The following MSH4 variants were observed in gnomAD, a reference collection of about 807,000 sequenced individuals.
MSH4 encodes mutS homolog 4.
In MSH4, 106 loss-of-function variants were observed where a neutral mutation model predicts 113.7. That is an observed-to-expected ratio of 0.93 (90% CI 0.80 to 1.10). The LOEUF (loss-of-function observed/expected upper bound fraction) is 1.10. Ranked by LOEUF, MSH4 falls within the 50% of genes least tolerant of loss-of-function variation. MSH4 has a pLI of 0.00. For synonymous variants in MSH4, 368 were observed against 380.2 expected (o/e 0.97, Z 0.37); for missense variants, 1,061 against 1,093.7 (o/e 0.97, Z 0.42).
intron 17 of MSH4, 65 bp from the exon 18 acceptor site, chr1:75,897,842 G>A: frequency 9.3e-7 from 1 of 1,081,040 alleles, no homozygotes; most frequent in African/African-American, 1.6e-5. Flanking sequence ...TGTTCACATA[G>A]TTAAAATAGA....
At chr1:75,867,464 C>T (rs1430184994) in intron 8 of MSH4, 50 bp from the exon 9 acceptor site, 4 of 969,938 alleles carry the variant, frequency 4.1e-6, no homozygotes, top group Non-Finnish European at 6.5e-6. Context: ...ACCCATTGTT[C>T]TATTAAATAT....
rs1386123539 is a variant in MSH4, at chr1:75,803,916, A to G, written c.427+3A>G. Reference sequence around the variant, plus strand: ...GACACCACAAGTGGGATATTCAGGTAAAATAAGTGGAAGATTAACCTAGAT... The same window carrying G: ...GACACCACAAGTGGGATATTCAGGTGAAATAAGTGGAAGATTAACCTAGAT... On this transcript the variant is annotated splice_donor_region_variant and intron_variant, in intron 2 of 19. Coordinates refer to ENST00000263187, the MANE Select transcript of MSH4 (RefSeq NM_002440.4). The G allele has an allele frequency of 4.1e-6, 6 of 1,470,708 alleles. No homozygotes were observed. The highest frequency in any genetic ancestry group is 3.6e-6 in the Non-Finnish European group (4 of 1,108,834). 91.1% of individuals were successfully genotyped at this position (1,470,708 alleles called of 1,614,324 possible).
intron 7 of MSH4, among the ~76,000 whole-genome samples, chr1:75,838,555 A>C (rs1467685566): frequency 2.6e-5 from 4 of 152,108 alleles, no homozygotes; most frequent in African/African-American, 7.2e-5. Context: ...AAAATCCTTC[A>C]ATCTTTTCTC....
chr1:75,822,288 CA>C (rs33965683), intron 6 of MSH4, 120 bp from the exon 7 acceptor site: 43,341 of 382,296 alleles, frequency 0.11, 6 homozygotes, highest in East Asian at 0.22. Flanking sequence ...GACTCTGTTT[CA>C]AAAAAAAAAA....
At chr1:75,812,909 T>C (rs75605095) in intron 4 of MSH4, among the ~76,000 whole-genome samples, 13,537 of 152,144 alleles carry the variant, frequency 0.089, 800 homozygotes, top group Non-Finnish European at 0.13. Flanking sequence ...TTAGAAACAA[T>C]GTTAGTGTTT....
intron 16 of MSH4, among the ~76,000 whole-genome samples, chr1:75,889,998 C>T (rs948656607): frequency 6.6e-6 from 1 of 151,894 alleles, no homozygotes; most frequent in Non-Finnish European, 1.5e-5. Context: ...TATAATAGAT[C>T]GTAGCAATAT....
chr1:75,834,944 AAAT>A (rs1215945941), intron 7 of MSH4, among the ~76,000 whole-genome samples: 1 of 152,218 alleles, frequency 6.6e-6, no homozygotes, highest in Non-Finnish European at 1.5e-5. Context: ...ATGAAGTGAA[AAAT>A]AAAAAGGAAA....
At position 75,796,957 on chromosome 1, in the gene MSH4, A is replaced by G. The variant is rs752276320; in HGVS notation, c.-29A>G. On this transcript the variant is annotated 5_prime_UTR_variant, in exon 1 of 20. It adds an upstream start codon to the 5' untranslated region. Transcript: ENST00000263187. ...TGGAGGGGTCGCTCAGAAACCTCATACTTCTCGGGTCAGGGAAGGTTTGGG... is the reference window on the plus strand; with the variant it reads ...TGGAGGGGTCGCTCAGAAACCTCATGCTTCTCGGGTCAGGGAAGGTTTGGG... 6.2e-7 allele frequency: 1 copy of G among 1,612,414 alleles called. No homozygotes were observed. Among genetic ancestry groups the G allele is most frequent in the South Asian group, 1.1e-5 (1 of 91,010 alleles).
chr1:75,877,535 G>T (rs924905340), intron 10 of MSH4, among the ~76,000 whole-genome samples: 1 of 152,068 alleles, frequency 6.6e-6, no homozygotes, highest in Non-Finnish European at 1.5e-5. Flanking sequence ...CCCGTGTGAG[G>T]CCACACATTG....
At chr1:75,837,891 A>G (rs1333248638) in intron 7 of MSH4, among the ~76,000 whole-genome samples, 1 of 152,088 alleles carries the variant, frequency 6.6e-6, no homozygotes, top group Non-Finnish European at 1.5e-5. Flanking sequence ...CCAGCCCAGG[A>G]TACCTTAATT....
chr1:75,826,896 A>G (rs1191534068), intron 7 of MSH4, among the ~76,000 whole-genome samples: 1 of 152,194 alleles, frequency 6.6e-6, no homozygotes, highest in Non-Finnish European at 1.5e-5. Flanking sequence ...CGATTTTAGA[A>G]TAAGTGCTAT....
At chr1:75,898,289 G>A (rs899202058) in intron 18 of MSH4, among the ~76,000 whole-genome samples, 1 of 151,782 alleles carries the variant, frequency 6.6e-6, no homozygotes, top group Non-Finnish European at 1.5e-5. Flanking sequence ...ATTTTTATAA[G>A]CCAGTAACTA....
intron 8 of MSH4, among the ~76,000 whole-genome samples, chr1:75,858,691 C>T (rs1157328814): frequency 2.6e-5 from 4 of 152,178 alleles, no homozygotes; most frequent in Non-Finnish European, 5.9e-5. Context: ...CGGATTCTCA[C>T]ATTGATGTTC....
intron 8 of MSH4, among the ~76,000 whole-genome samples, chr1:75,857,482 G>T (rs1182249867): frequency 6.6e-6 from 1 of 152,094 alleles, no homozygotes; most frequent in Non-Finnish European, 1.5e-5. Flanking sequence ...TAACGAAGGG[G>T]TCTAGTTTCA....
chr1:75,907,737 CT>C lies in MSH4; in HGVS notation c.2620-4958del, dbSNP rs1405475785. ...ATATATATGTATAAAATCTTTCAGG[CT>C]GTCTTTATTCCTTTCATTCTGTTTT... On this transcript the variant is annotated intron_variant, in intron 19 of 19. Coordinates refer to ENST00000263187, the MANE Select transcript of MSH4 (RefSeq NM_002440.4). Among the ~76,000 whole-genome samples the C allele has an allele frequency of 2.5e-4, 26 of 105,316 alleles. No individual in the cohort carries two copies. In the East Asian group the frequency reaches 5.2e-3, roughly 21 times the overall value. The allele number at this position is 105,316 out of a possible 152,430, so 69.1% of individuals were successfully genotyped here.
At chr1:75,901,448 A>G (rs1192505041) in intron 19 of MSH4, among the ~76,000 whole-genome samples, 2 of 152,114 alleles carry the variant, frequency 1.3e-5, no homozygotes, top group Non-Finnish European at 2.9e-5. Context: ...CATTTAGCAT[A>G]GTGATTCTTT....
chr1:75,882,024 G>A (rs558011764), intron 14 of MSH4, among the ~76,000 whole-genome samples: 3 of 152,090 alleles, frequency 2.0e-5, no homozygotes, highest in Non-Finnish European at 4.4e-5. Context: ...AATTTCTAAT[G>A]TAAATCAGCA....
intron 7 of MSH4, among the ~76,000 whole-genome samples, chr1:75,828,139 T>C (rs1033534352): frequency 2.6e-5 from 4 of 152,134 alleles, no homozygotes; most frequent in African/African-American, 7.2e-5. Context: ...ATAGCTATTA[T>C]TAAAAAGTCA....
At chr1:75,886,858 AC>A (rs1652135971) in intron 15 of MSH4, among the ~76,000 whole-genome samples, 1 of 141,580 alleles carries the variant, frequency 7.1e-6, no homozygotes, top group Admixed American at 7.5e-5. Flanking sequence ...TATATATATT[AC>A]CTTCACATTT....
Sources: gnomAD v4.1 joint callset for allele counts (sites outside exome capture counted in the v4.1 genomes callset) on GRCh38, gnomAD v4.1.1 for gene constraint, MANE v1.5 for transcripts, NCBI Gene and HGNC (gene_info 2026-07-23, HGNC 2026-07-21) for gene names.